Variants in MATCAP2 observed in about 807,000 individuals in gnomAD.
The protein encoded by MATCAP2 is putative tyrosine carboxypeptidase MATCAP2.
the MATCAP2 span, among the ~76,000 whole-genome samples, chr7:36,353,515 C>G: frequency 7.2e-6 from 1 of 138,332 alleles, no homozygotes; most frequent in Non-Finnish European, 1.5e-5. Flanking sequence ...GTGTCTCACT[C>G]TATGGCCCAG....
At chr7:36,356,866 T>G in the MATCAP2 span, 12 of 1,515,248 alleles carry the variant, frequency 7.9e-6, no homozygotes, top group Non-Finnish European at 5.5e-6. Context: ...TTTTAGTACA[T>G]AAAAATGAAC....
chr7:36,364,147 G>T, the MATCAP2 span, among the ~76,000 whole-genome samples: 4 of 149,624 alleles, frequency 2.7e-5, no homozygotes. Context: ...GAGTGCAGTG[G>T]CAATCCTGAC....
At chr7:36,340,312 T>G in the MATCAP2 span, among the ~76,000 whole-genome samples, 1 of 152,208 alleles carries the variant, frequency 6.6e-6, no homozygotes, top group African/African-American at 2.4e-5. Context: ...TATGAAAAAC[T>G]TAAATACACG....
chr7:36,383,566 GA>G, the MATCAP2 span, among the ~76,000 whole-genome samples: 1 of 152,172 alleles, frequency 6.6e-6, no homozygotes, highest in Admixed American at 6.6e-5. Flanking sequence ...CACAGGAACA[GA>G]AAACCAAACA....
At chr7:36,372,145 T>G in the MATCAP2 span, among the ~76,000 whole-genome samples, 2 of 152,162 alleles carry the variant, frequency 1.3e-5, no homozygotes, top group Non-Finnish European at 2.9e-5. Context: ...ATTAGAACAT[T>G]ATATTTACTT....
At chr7:36,383,740 C>G in the MATCAP2 span, 2 of 601,194 alleles carry the variant, frequency 3.3e-6, no homozygotes, top group African/African-American at 3.9e-5. Flanking sequence ...TTCAGCAAAC[C>G]ACCATGGCAC....
chr7:36,357,575 G>C, the MATCAP2 span: 2 of 1,605,512 alleles, frequency 1.2e-6, no homozygotes, highest in South Asian at 2.2e-5. Context: ...TTCTTGCTCA[G>C]GCCAGTGAAG....
At chr7:36,379,892 A>T in the MATCAP2 span, among the ~76,000 whole-genome samples, 2 of 149,776 alleles carry the variant, frequency 1.3e-5, no homozygotes, top group East Asian at 4.1e-4. Context: ...AAGCCAATAT[A>T]GTAAAATGTT....
chr7:36,326,730 G>A, the MATCAP2 span: 1 of 1,593,846 alleles, frequency 6.3e-7, no homozygotes, highest in Non-Finnish European at 8.6e-7. Context: ...TGGAGGCATA[G>A]CTTAGCTATG....
chr7:36,364,088 CTTCT>C, the MATCAP2 span, among the ~76,000 whole-genome samples: 52,943 of 134,848 alleles, frequency 0.39, 8,612 homozygotes, highest in African/African-American at 0.47. Context: ...GAATCTTCTT[CTTCT>C]TTTTTTTTTT....
At chr7:36,367,486 C>T in the MATCAP2 span, among the ~76,000 whole-genome samples, 1 of 152,184 alleles carries the variant, frequency 6.6e-6, no homozygotes. Context: ...GGTGACTTAA[C>T]TCCATGGTGC....
At chr7:36,333,464 T>C in the MATCAP2 span, among the ~76,000 whole-genome samples, 1 of 152,162 alleles carries the variant, frequency 6.6e-6, no homozygotes, top group African/African-American at 2.4e-5. Context: ...ACTCTGAATA[T>C]TCTAAAAATC....
At chr7:36,340,794 G>A in the MATCAP2 span, among the ~76,000 whole-genome samples, 1 of 152,184 alleles carries the variant, frequency 6.6e-6, no homozygotes, top group African/African-American at 2.4e-5. Context: ...AAGAAATCAC[G>A]TTGAATGGCA....
the MATCAP2 span, among the ~76,000 whole-genome samples, chr7:36,349,204 G>A: frequency 2.0e-5 from 3 of 152,168 alleles, no homozygotes; most frequent in Admixed American, 6.5e-5. Context: ...AATTTGCATC[G>A]TAGGAAGACA....
At chr7:36,382,465 T>C in the MATCAP2 span, among the ~76,000 whole-genome samples, 4 of 152,120 alleles carry the variant, frequency 2.6e-5, no homozygotes, top group Non-Finnish European at 4.4e-5. Flanking sequence ...ATGATATCAC[T>C]AAAAAATTAA....
At chr7:36,369,358 G>A in the MATCAP2 span, among the ~76,000 whole-genome samples, 4 of 152,186 alleles carry the variant, frequency 2.6e-5, no homozygotes, top group African/African-American at 4.8e-5. Flanking sequence ...TGCAACATAT[G>A]TCCTAAGGAA....
chr7:36,338,027 T>A, the MATCAP2 span, among the ~76,000 whole-genome samples: 354 of 152,230 alleles, frequency 2.3e-3, 1 homozygote, highest in African/African-American at 8.2e-3. Context: ...TAAAATCTCA[T>A]AAGATGGGTC....
chr7:36,354,728 A>G, the MATCAP2 span, among the ~76,000 whole-genome samples: 3 of 152,238 alleles, frequency 2.0e-5, no homozygotes, highest in Non-Finnish European at 4.4e-5. Flanking sequence ...TAAACAGTAT[A>G]CTTGGCATTT....
chr7:36,363,284 T>C, the MATCAP2 span, among the ~76,000 whole-genome samples: 2 of 152,208 alleles, frequency 1.3e-5, no homozygotes, highest in African/African-American at 4.8e-5. Flanking sequence ...ATCTTTGATA[T>C]AAAGACACTT....
Sources: allele counts gnomAD v4.1 joint callset (sites outside exome capture counted in the v4.1 genomes callset), GRCh38; gene constraint gnomAD v4.1.1; transcripts MANE v1.5; gene names NCBI Gene and HGNC (gene_info 2026-07-23, HGNC 2026-07-21).